PKD1L3: variants seen among roughly 807,000 people sequenced by gnomAD.
PKD1L3 encodes polycystin-1-like protein 3.
A neutral mutation model predicts 184.1 loss-of-function variants in PKD1L3; 239 were observed. The observed-to-expected ratio is 1.30, with a 90% CI of 1.17 to 1.45. PKD1L3 has a LOEUF of 1.45. Among genes scored for constraint, PKD1L3 ranks in the 40% most tolerant of loss-of-function variants. The pLI is 0.00. For missense variants in PKD1L3, 2,660 were observed against 2,067.2 expected, an observed-to-expected ratio of 1.29 and a Z score of -5.56; for synonymous variants, 996 against 778.8, an observed-to-expected ratio of 1.28 and a Z score of -4.64.
chr16:71,959,463 GAATA>G (rs1477431732), intron 16 of PKD1L3, among the ~76,000 whole-genome samples: 2 of 151,902 alleles, frequency 1.3e-5, no homozygotes, highest in African/African-American at 2.4e-5. Flanking sequence ...CAGAAAACTA[GAATA>G]AACAGAGAAA....
At chr16:71,982,841 G>A (rs1189412383) in intron 6 of PKD1L3, among the ~76,000 whole-genome samples, 1 of 151,406 alleles carries the variant, frequency 6.6e-6, no homozygotes, top group African/African-American at 2.4e-5. Context: ...AGATCCTCCT[G>A]TCTTGGCCTC....
intron 5 of PKD1L3, among the ~76,000 whole-genome samples, chr16:71,985,259 G>T (rs903281584): frequency 6.6e-6 from 1 of 151,976 alleles, no homozygotes; most frequent in South Asian, 2.1e-4. Flanking sequence ...CCCCCAAATA[G>T]AACACTGAAT....
At position 71,984,049 on chromosome 16, in the gene PKD1L3, G is replaced by C. The variant is rs1204465846; in HGVS notation, c.953C>G (p.Ser318Cys). The C allele has an allele frequency of 1.3e-6, 2 of 1,552,122 alleles. No homozygotes were observed. Among genetic ancestry groups the C allele is most frequent in the Non-Finnish European group, 1.7e-6 (2 of 1,147,014 alleles). The change falls in exon 6 of 30, where the codon TCT becomes TGT. Residue 318 changes from serine to cysteine, a missense_variant. Physicochemically the swap from Ser to Cys is moderately radical, Grantham distance 112. Coordinates refer to ENST00000620267, the MANE Select transcript of PKD1L3 (RefSeq NM_181536.2). The stretch of plus-strand genomic sequence containing the variant: ...CCCTCCACTTACCTGAGCTGGCTTA[G>C]AAAATCTTGGGGTTAAGGCTGTTAG... ...QKLTALTPRF[S>C]KPAQVNLINS...
chr16:71,990,085 CAAAAAAAAAAAA>C lies in PKD1L3; in HGVS notation c.585+183_585+194del, dbSNP rs34692174. Among the ~76,000 whole-genome samples, 1,084 of 119,154 alleles carry C rather than the reference CAAAAAAAAAAAA, an allele frequency of 9.1e-3. 16 individuals carry two copies. Among genetic ancestry groups the C allele is most frequent in the African/African-American group, 0.029 (1,002 of 34,756 alleles). The allele number at this position is 119,154 out of a possible 152,430, so 78.2% of individuals were successfully genotyped here. ...CAAAGTGAGACCCTGTCTCTCCCACCAAAAAAAAAAAAAAAAAAAATCCTTGAATGAAGTACC... is the reference window on the plus strand; with the variant it reads ...CAAAGTGAGACCCTGTCTCTCCCACCAAAAAAAATCCTTGAATGAAGTACC... On this transcript the variant is annotated intron_variant, in intron 4 of 29. Transcript: ENST00000620267.
At chr16:71,963,594 C>A (rs561926817) in intron 15 of PKD1L3, among the ~76,000 whole-genome samples, 1 of 152,210 alleles carries the variant, frequency 6.6e-6, no homozygotes, top group African/African-American at 2.4e-5. Flanking sequence ...ACAGCTTGGG[C>A]AACGTCGCAA....
chr16:71,985,565 G>A (rs1172863919), intron 5 of PKD1L3, among the ~76,000 whole-genome samples: 1 of 152,036 alleles, frequency 6.6e-6, no homozygotes, highest in East Asian at 1.9e-4. Flanking sequence ...CCAAGTAGCT[G>A]GGACTACAGG....
intron 22 of PKD1L3, among the ~76,000 whole-genome samples, chr16:71,945,059 G>C (rs1212017479): frequency 2.0e-5 from 2 of 98,550 alleles, no homozygotes; most frequent in African/African-American, 3.3e-5. Flanking sequence ...TACATATAAA[G>C]TTAATCTGCC....
chr16:71,945,266 CTATATA>C lies in PKD1L3; in HGVS notation c.3719-1102_3719-1097del, dbSNP rs60469321. ...AGGCCTAAGATTCTGAATTTCTTAA[CTATATA>C]TATATATATATATATATATATATAT... On this transcript the variant is annotated intron_variant, in intron 22 of 29. Coordinates refer to ENST00000620267, the MANE Select transcript of PKD1L3 (RefSeq NM_181536.2). 3.2e-3 allele frequency among the ~76,000 whole-genome samples: 207 copies of C among 63,936 alleles called. 1 individual carries two copies. In the Middle Eastern group the frequency reaches 0.038, roughly 12 times the overall value. 41.9% of individuals were successfully genotyped at this position (63,936 alleles called of 152,430 possible). A position where few individuals can be genotyped will look rare whatever the true frequency, so the allele number is the denominator to read the frequency against.
chr16:71,982,214 T>C lies in PKD1L3; in HGVS notation c.988A>G (p.Ile330Val). The C allele has an allele frequency of 2.0e-6, 3 of 1,533,782 alleles. No homozygotes were observed. The highest frequency in any genetic ancestry group is 2.6e-6 in the Non-Finnish European group (3 of 1,137,562). ...CTGAGTAACTCCTCACTCAGGTAAA[T>C]AAGGGAATTGATGAGATTAACCTGG... ...PAQVNLINSL[I>V]YLSEELLRIP... The change falls in exon 7 of 30, where the codon ATT (isoleucine) becomes GTT (valine). Residue 330 changes from isoleucine (I) to valine (V), a missense_variant. Coordinates refer to ENST00000620267, the MANE Select transcript of PKD1L3 (RefSeq NM_181536.2).
intron 16 of PKD1L3, among the ~76,000 whole-genome samples, chr16:71,954,777 G>C (rs1320097465): frequency 1.3e-5 from 2 of 152,208 alleles, no homozygotes; most frequent in Non-Finnish European, 2.9e-5. Flanking sequence ...TTCTGAGGAA[G>C]AGAAGCAGAA....
chr16:71,975,741 T>A, intron 11 of PKD1L3, among the ~76,000 whole-genome samples: 1 of 151,488 alleles, frequency 6.6e-6, no homozygotes, highest in African/African-American at 2.4e-5. Flanking sequence ...AATCCATCTT[T>A]AAAAAAAAAT....
At position 71,981,535 on chromosome 16, in the gene PKD1L3, CTTTTTT is replaced by C. The variant is rs543488508; in HGVS notation, c.1143+518_1143+523del. 6.5e-4 allele frequency among the ~76,000 whole-genome samples: 68 copies of C among 105,062 alleles called. 1 individual carries two copies. The highest frequency in any genetic ancestry group is 4.1e-3 in the South Asian group (13 of 3,206). 68.9% of individuals were successfully genotyped at this position (105,062 alleles called of 152,430 possible). On this transcript the variant is annotated intron_variant, in intron 7 of 29. Coordinates refer to ENST00000620267, the MANE Select transcript of PKD1L3 (RefSeq NM_181536.2). The stretch of plus-strand genomic sequence containing the variant: ...CTTTATGCCAACACTTTCCTAAATT[CTTTTTT>C]TTTTTTTTTTTTTTTTTTTTTATGG...
chr16:71,977,464 T>C lies in PKD1L3; in HGVS notation c.1531A>G (p.Met511Val), dbSNP rs2039973839. The change falls in exon 11 of 30, where the codon ATG (methionine) becomes GTG (valine). Residue 511 changes from methionine (M) to valine (V), a missense_variant. Physicochemically the swap from Met to Val is conservative, Grantham distance 21. Transcript: ENST00000620267. Reference sequence around the variant, plus strand: ...TCCAAGCTAACATTTCTCCAGAGCATGATCTAGAATAAGAGACAGTTAATC... The same window carrying C: ...TCCAAGCTAACATTTCTCCAGAGCACGATCTAGAATAAGAGACAGTTAATC... The part of the protein sequence containing the change: ...VHDLMEDIEI[M>V]LWRNVSLETH... The C allele has an allele frequency of 1.3e-6, 2 of 1,542,404 alleles. No individual in the cohort carries two copies. Among genetic ancestry groups the C allele is most frequent in the South Asian group, 1.2e-5 (1 of 83,876 alleles).
At chr16:71,952,455 G>A (rs1281403332) in intron 18 of PKD1L3, among the ~76,000 whole-genome samples, 2 of 150,712 alleles carry the variant, frequency 1.3e-5, no homozygotes, top group Non-Finnish European at 3.0e-5. Context: ...TCCTGACCTC[G>A]TGATCCGCCT....
chr16:71,978,840 G>A (rs574165101), intron 9 of PKD1L3, among the ~76,000 whole-genome samples: 206 of 151,796 alleles, frequency 1.4e-3, no homozygotes, highest in Middle Eastern at 6.8e-3. Context: ...ATGCCCAGCC[G>A]GATATCATAT....
At chr16:71,977,560 CTTTTTTTT>C in intron 10 of PKD1L3, 93 bp from the exon 11 acceptor site, 1 of 543,666 alleles carries the variant, frequency 1.8e-6, no homozygotes, top group Admixed American at 4.1e-5. Context: ...CGTCCTAGCT[CTTTTTTTT>C]TTTTTTTTTT....
chr16:71,973,241 T>C (rs2039785420), intron 12 of PKD1L3, 83 bp downstream of exon 12: 4 of 1,413,332 alleles, frequency 2.8e-6, no homozygotes, highest in Non-Finnish European at 3.8e-6. Context: ...CTTTCTGGGC[T>C]GCCCCAAATG....
At chr16:71,935,225 G>A (rs2038132569) in intron 26 of PKD1L3, 133 bp downstream of exon 26, 13 of 990,820 alleles carry the variant, frequency 1.3e-5, no homozygotes, top group Admixed American at 3.0e-5. Flanking sequence ...GTGGACATGA[G>A]TCCAAGTTCT....
At chr16:71,996,598 C>A (rs977398649) in intron 2 of PKD1L3, among the ~76,000 whole-genome samples, 3 of 152,044 alleles carry the variant, frequency 2.0e-5, no homozygotes, top group African/African-American at 7.2e-5. Flanking sequence ...TTCCTTCCTG[C>A]CCCCATGCCC....
Sources: allele counts gnomAD v4.1 joint callset (sites outside exome capture counted in the v4.1 genomes callset), GRCh38; gene constraint gnomAD v4.1.1; transcripts MANE v1.5; gene names NCBI Gene and HGNC (gene_info 2026-07-23, HGNC 2026-07-21).